NR3C1: variants seen among roughly 807,000 people sequenced by gnomAD.
NR3C1 encodes the protein glucocorticoid receptor.
Under a neutral mutation model 74.0 loss-of-function variants are expected in NR3C1, and 14 were observed. The observed-to-expected ratio is 0.19, with a 90% CI of 0.12 to 0.30. The LOEUF (loss-of-function observed/expected upper bound fraction) is 0.30, where lower values mean the gene tolerates loss of function less well. Ranked by LOEUF, NR3C1 falls within the 10% of genes least tolerant of loss-of-function variation. The pLI is 1.00. For synonymous variants in NR3C1, 308 were observed against 332.5 expected (o/e 0.93, Z 0.80); for missense variants, 695 against 909.8 (o/e 0.76, Z 3.04).
At chr5:143,294,377 C>G (rs33944801) in intron 7 of NR3C1, 144,059 of 850,042 alleles carry the variant, frequency 0.17, 13,145 homozygotes, top group Middle Eastern at 0.18. Context: ...GTTTATAATA[C>G]CAACTAGTTC....
rs1183857985 is a variant in NR3C1 at position 143,287,158 on chromosome 5, AAAGC to A, written c.2024-4437_2024-4434del. Among the ~76,000 whole-genome samples the A allele has an allele frequency of 2.0e-5, 3 of 152,122 alleles. No individual in the cohort carries two copies. The East Asian group carries it at 5.8e-4, about 29-fold the overall frequency. ...AGAAAAAGAGGAACAAATTAAATGA[AAAGC>A]AAGCAGAAAAGAAGAAATAATAATC... On this transcript the variant is annotated intron_variant, in intron 7 of 8. Coordinates refer to ENST00000394464, the MANE Select transcript of NR3C1 (RefSeq NM_000176.3).
At chr5:143,369,137 G>C (rs1833805836) in intron 2 of NR3C1, among the ~76,000 whole-genome samples, 1 of 152,208 alleles carries the variant, frequency 6.6e-6, no homozygotes, top group Non-Finnish European at 1.5e-5. Context: ...TCCAACATGA[G>C]TTTTGGAGGG....
chr5:143,283,220 A>G (rs1813524250), intron 7 of NR3C1, among the ~76,000 whole-genome samples: 1 of 152,178 alleles, frequency 6.6e-6, no homozygotes, highest in African/African-American at 2.4e-5. Flanking sequence ...GGCATTTAAC[A>G]TTGTTTATGT....
chr5:143,287,085 T>C (rs969365879), intron 7 of NR3C1, among the ~76,000 whole-genome samples: 1 of 151,878 alleles, frequency 6.6e-6, no homozygotes, highest in Non-Finnish European at 1.5e-5. Flanking sequence ...AACATCTATA[T>C]AAGAAAATAA....
intron 1 of NR3C1, among the ~76,000 whole-genome samples, chr5:143,416,703 C>T (rs13185164): frequency 1.3e-5 from 2 of 152,068 alleles, no homozygotes; most frequent in Non-Finnish European, 2.9e-5. Flanking sequence ...CTGGAAGAGA[C>T]AGGGAGGTTA....
At chr5:143,320,129 C>G (rs1190427004) in intron 2 of NR3C1, among the ~76,000 whole-genome samples, 1 of 152,156 alleles carries the variant, frequency 6.6e-6, no homozygotes, top group Non-Finnish European at 1.5e-5. Context: ...TTCTGACTGC[C>G]CATTTATCTC....
chr5:143,347,381 C>T (rs1366060643), intron 2 of NR3C1, among the ~76,000 whole-genome samples: 2 of 152,080 alleles, frequency 1.3e-5, no homozygotes, highest in Non-Finnish European at 2.9e-5. Context: ...CACTTGAAAA[C>T]AGACTTTAAC....
intron 7 of NR3C1, among the ~76,000 whole-genome samples, chr5:143,286,078 G>A (rs575819494): frequency 6.6e-6 from 1 of 151,370 alleles, no homozygotes; most frequent in African/African-American, 2.4e-5. Flanking sequence ...GGAATATTAT[G>A]AATAACTTAA....
chr5:143,293,903 C>A, intron 7 of NR3C1: 2 of 979,252 alleles, frequency 2.0e-6, no homozygotes, highest in Non-Finnish European at 2.4e-6. Context: ...TTGTTAGTAT[C>A]CAGGCACTGA....
intron 2 of NR3C1, among the ~76,000 whole-genome samples, chr5:143,356,776 A>G (rs1831225000): frequency 6.6e-6 from 1 of 152,082 alleles, no homozygotes. Flanking sequence ...TTTTGCTGAA[A>G]AAGCTCAGTG....
At chr5:143,294,031 A>G (rs1026452991) in intron 7 of NR3C1, 2 of 985,302 alleles carry the variant, frequency 2.0e-6, no homozygotes, top group African/African-American at 3.5e-5. Context: ...AATGATCTTT[A>G]TCGGGTTCTC....
At chr5:143,283,174 AG>A (rs1445693786) in intron 7 of NR3C1, among the ~76,000 whole-genome samples, 2 of 152,184 alleles carry the variant, frequency 1.3e-5, no homozygotes, top group Non-Finnish European at 2.9e-5. Flanking sequence ...ATTCCCAGCC[AG>A]ATTTCTTGCT....
chr5:143,413,436 T>G (rs1401449190), intron 1 of NR3C1, among the ~76,000 whole-genome samples: 1 of 151,822 alleles, frequency 6.6e-6, no homozygotes, highest in African/African-American at 2.4e-5. Context: ...AAAAACAGAG[T>G]TTTTTGATTC....
chr5:143,332,064 C>G (rs966538678), intron 2 of NR3C1, among the ~76,000 whole-genome samples: 4 of 152,076 alleles, frequency 2.6e-5, no homozygotes, highest in African/African-American at 9.7e-5. Flanking sequence ...TAACCACCTG[C>G]CAAAACATGA....
At chr5:143,295,685 T>A (rs1817018850) in intron 6 of NR3C1, 95 bp from the exon 7 acceptor site, 3 of 982,598 alleles carry the variant, frequency 3.1e-6, no homozygotes, top group Non-Finnish European at 4.8e-6. Flanking sequence ...TATGAACTCA[T>A]AAAGAAAAAC....
At chr5:143,343,162 AT>A (rs1393939461) in intron 2 of NR3C1, among the ~76,000 whole-genome samples, 1 of 152,252 alleles carries the variant, frequency 6.6e-6, no homozygotes, top group African/African-American at 2.4e-5. Context: ...GCCTTTTCAT[AT>A]TTAGAATGGC....
chr5:143,425,720 A>C (rs991353892), intron 1 of NR3C1, among the ~76,000 whole-genome samples: 1 of 152,222 alleles, frequency 6.6e-6, no homozygotes, highest in East Asian at 1.9e-4. Context: ...TAAAAAAAGG[A>C]AAATAAATGT....
upstream of NR3C1, chr5:143,405,170 A>G (rs1841027717): frequency 1.0e-6 from 1 of 985,324 alleles, no homozygotes. Context: ...ACAGATTATG[A>G]TTTTTGTGAC....
intron 7 of NR3C1, among the ~76,000 whole-genome samples, chr5:143,287,196 A>G (rs1814692321): frequency 6.6e-6 from 1 of 152,220 alleles, no homozygotes; most frequent in East Asian, 1.9e-4. Context: ...TCAATGACAT[A>G]GGAAACAAAA....
Sources: allele counts gnomAD v4.1 joint callset (sites outside exome capture counted in the v4.1 genomes callset), GRCh38; gene constraint gnomAD v4.1.1; transcripts MANE v1.5; gene names NCBI Gene and HGNC (gene_info 2026-07-23, HGNC 2026-07-21).